OBSL1: variants seen among roughly 807,000 people sequenced by gnomAD.
The protein encoded by OBSL1 is obscurin like cytoskeletal adaptor 1, also known as obscurin-like protein 1.
Under a neutral mutation model 172.0 loss-of-function variants are expected in OBSL1, and 160 were observed. The ratio of observed to expected loss-of-function variants is 0.93; its 90% CI spans 0.82 to 1.06. The LOEUF is 1.06. OBSL1 is among the 50% of genes least tolerant of loss of function. The probability of loss-of-function intolerance (pLI) is 0.00; values close to 1 mark genes in which losing one functional copy is unlikely to be tolerated. For synonymous variants in OBSL1, 1,200 were observed against 1,196.3 expected (o/e 1.00, Z -0.06); for missense variants, 2,681 against 2,715.4 (o/e 0.99, Z 0.28).
At chr2:219,561,446 C>T (rs1192083176) in intron 8 of OBSL1, among the ~76,000 whole-genome samples, 1 of 152,170 alleles carries the variant, frequency 6.6e-6, no homozygotes, top group Non-Finnish European at 1.5e-5. Context: ...GCTCCAGTAT[C>T]AGCTTTGAAA....
chr2:219,560,790 C>G (rs1054851381), intron 8 of OBSL1, among the ~76,000 whole-genome samples: 6 of 152,220 alleles, frequency 3.9e-5, no homozygotes, highest in Admixed American at 2.6e-4. Flanking sequence ...TGGGGCCGAG[C>G]AAGGCCAGGA....
downstream of OBSL1, chr2:219,550,681 CTCCAGGCAA>C: frequency 9.7e-7 from 1 of 1,025,722 alleles, no homozygotes; most frequent in Non-Finnish European, 1.4e-6. Context: ...TGCACAGGGG[CTCCAGGCAA>C]GGTCTGCCCC....
chr2:219,551,810 G>A lies in OBSL1; in HGVS notation c.5414-12C>T, dbSNP rs1380729843. ...CTGGAGAGGCAATGCTGGGGGTAGGGGGCGGGGGCTTAAGTTAATAGGGAC... is the reference window on the plus strand; with the variant it reads ...CTGGAGAGGCAATGCTGGGGGTAGGAGGCGGGGGCTTAAGTTAATAGGGAC... On this transcript the variant is annotated splice_polypyrimidine_tract_variant and intron_variant, in intron 19 of 20. Transcript: ENST00000404537. The A allele has an allele frequency of 1.3e-6, 2 of 1,519,678 alleles. No homozygotes were observed. Among genetic ancestry groups the A allele is most frequent in the East Asian group, 4.5e-5 (2 of 44,176 alleles). 94.1% of individuals were successfully genotyped at this position (1,519,678 alleles called of 1,614,324 possible). A position where few individuals can be genotyped will look rare whatever the true frequency, so the allele number is the denominator to read the frequency against.
rs1574511852 is a variant in OBSL1, at chr2:219,550,744, T to C, written c.*91A>G. On this transcript the variant is annotated 3_prime_UTR_variant, in exon 21 of 21. Coordinates refer to ENST00000404537, the MANE Select transcript of OBSL1 (RefSeq NM_015311.3). ...GCAAGGAAATGAGCTGTAGCACTTT[T>C]ATTGTTCCTTGTCTCTCTACCCCTG... 3 of 1,517,810 alleles carry C rather than the reference T, an allele frequency of 2.0e-6. No homozygotes were observed. Among genetic ancestry groups the C allele is most frequent in the African/African-American group, 1.4e-5 (1 of 72,616 alleles). 94.0% of individuals were successfully genotyped at this position (1,517,810 alleles called of 1,614,324 possible).
chr2:219,552,739 C>T (rs1241795891), intron 17 of OBSL1, 42 bp from the exon 18 acceptor site: 2 of 1,512,994 alleles, frequency 1.3e-6, no homozygotes, highest in Non-Finnish European at 1.8e-6. Flanking sequence ...GGGCAGAGGG[C>T]AGTTACCGGT....
In OBSL1 at chr2:219,565,288, C is replaced by T. The variant is rs1696800701; in HGVS notation, c.2361G>A (p.Glu787=). The change falls in exon 6 of 21, where the codon GAG becomes GAA. Residue 787 remains glutamate, a synonymous_variant. Coordinates refer to ENST00000404537, the MANE Select transcript of OBSL1 (RefSeq NM_015311.3). The part of the protein sequence containing the change: ...EAKVQDSGEF[E]CRTEGVSAFF... ...AGGCCGAGACCCCTTCTGTCCTGCA[C>T]TCAAACTCGCCACTGTCCTGGACTT... 6.2e-7 allele frequency: 1 copy of T among 1,614,024 alleles called. No individual in the cohort carries two copies. The highest frequency in any genetic ancestry group is 1.1e-5 in the South Asian group (1 of 91,076).
rs1384784909 is a variant in OBSL1 at position 219,552,883 on chromosome 2, G to A, written c.5131C>T (p.Arg1711Cys). 6.5e-7 allele frequency: 1 copy of A among 1,541,814 alleles called. No individual in the cohort carries two copies. Among genetic ancestry groups the A allele is most frequent in the South Asian group, 1.2e-5 (1 of 83,808 alleles). ...CCGTACCCACCGCGCACGGTCAGGC[G>A]GACCGGTCCGGCGCGGGCCGTCCCC... ...AVGTARAGPV[R>C]LTVRERTVAV... Residue 1711 changes from arginine to cysteine, a missense_variant, in exon 17 of 21, where the codon CGC (arginine) becomes TGC (cysteine). Coordinates refer to ENST00000404537, the MANE Select transcript of OBSL1 (RefSeq NM_015311.3).
chr2:219,557,526 C>A lies in OBSL1; in HGVS notation c.3883G>T (p.Gly1295Trp), dbSNP rs530576939. The change falls in exon 12 of 21, where the codon GGG becomes TGG. Residue 1295 changes from glycine to tryptophan, a missense_variant. Gly to Trp is a radical substitution (Grantham distance 184). Around this residue, in one of 5 missense-constraint regions of OBSL1, gnomAD observed 1,765 missense variants for 1,748.3 expected, o/e 1.01. Transcript: ENST00000404537. ...TACCAGCGTACAGGGCCCCCTGGCC[C>A]GGAGAGGTGCACCACCAGCTCTAGG... ...GDLELVVHLS[G>W]PGGPVRWYKD... The A allele has an allele frequency of 3.9e-6, 6 of 1,552,628 alleles. No homozygotes were observed. Among genetic ancestry groups the A allele is most frequent in the Non-Finnish European group, 5.2e-6 (6 of 1,148,662 alleles).
At chr2:219,567,611 T>G (rs1383253384) in intron 3 of OBSL1, 36 bp from the exon 4 acceptor site, 4 of 1,596,172 alleles carry the variant, frequency 2.5e-6, no homozygotes, top group Admixed American at 3.4e-5. Flanking sequence ...CGGCCTTGCT[T>G]GGGCCTCCAC....
rs748813895 is a variant in OBSL1 at position 219,567,980 on chromosome 2, G to C, written c.1283-11C>G. ...GCTTCAGGATGGGCCCTGAGATGCG[G>C]ACAGGAATCCATCAACCTGGAATCT... On this transcript the variant is annotated splice_polypyrimidine_tract_variant and intron_variant, in intron 2 of 20. Transcript: ENST00000404537. 2 of 1,612,390 alleles carry C rather than the reference G, an allele frequency of 1.2e-6. No individual in the cohort carries two copies. Among genetic ancestry groups the C allele is most frequent in the Non-Finnish European group, 1.7e-6 (2 of 1,178,784 alleles).
chr2:219,563,347 C>T lies in OBSL1; in HGVS notation c.2680+8G>A, dbSNP rs747782756. ...CCCTGTGCCTCCGAGGCCCACCTGG[C>T]CCCCCACCTGTGATGGTGACAGTGA... On this transcript the variant is annotated splice_region_variant and intron_variant, in intron 7 of 20. Transcript: ENST00000404537. 73 of 1,550,498 alleles carry T rather than the reference C, an allele frequency of 4.7e-5. No individual in the cohort carries two copies. The African/African-American group carries it at 6.9e-4, about 15-fold the overall frequency.
At position 219,558,029 on chromosome 2, in the gene OBSL1, C is replaced by T; in HGVS notation, c.3584G>A (p.Cys1195Tyr). 6.2e-7 allele frequency: 1 copy of T among 1,613,392 alleles called. No homozygotes were observed. The highest frequency in any genetic ancestry group is 8.5e-7 in the Non-Finnish European group (1 of 1,179,796). ...VAPGEPVVLS[C>Y]ELSRAGAPVV... ...GGGGGCGCCAGCCCGGGACAGTTCA[C>T]AGCTCAGCACCACTGGCTCCCCAGG... The change falls in exon 11 of 21, where the codon TGT becomes TAT. Residue 1195 changes from cysteine (C) to tyrosine (Y), a missense_variant. Cys to Tyr is a radical substitution (Grantham distance 194, BLOSUM62 -2). Around this residue, in one of 5 missense-constraint regions of OBSL1, gnomAD observed 1,765 missense variants for 1,748.3 expected, o/e 1.01. Transcript: ENST00000404537.
At chr2:219,551,835 C>T (rs1695632577) in intron 19 of OBSL1, 37 bp from the exon 20 acceptor site, 2 of 1,370,594 alleles carry the variant, frequency 1.5e-6, no homozygotes, top group South Asian at 1.3e-5. Flanking sequence ...TTAATAGGGA[C>T]ACGCATGGCC....
At position 219,566,845 on chromosome 2, in the gene OBSL1, C is replaced by G; in HGVS notation, c.2119G>C (p.Ala707Pro). ...TGGCACCAACCTTGGATTGTGAGGG[C>G]AGCTGAGTCCTGCACGCCGGGGCAG... ...FSCPGVQDSAALTIQESPVHI... is the reference protein window; with the variant it reads ...FSCPGVQDSAPLTIQESPVHI... The change falls in exon 5 of 21, where the codon GCC becomes CCC. Residue 707 changes from alanine (A) to proline (P), a missense_variant. Coordinates refer to ENST00000404537, the MANE Select transcript of OBSL1 (RefSeq NM_015311.3). 3 of 1,584,204 alleles carry G rather than the reference C, an allele frequency of 1.9e-6. No individual in the cohort carries two copies. The highest frequency in any genetic ancestry group is 2.6e-6 in the Non-Finnish European group (3 of 1,158,348).
Position 219,567,457 on chromosome 2 carries a change from G to A in OBSL1, c.1653C>T (p.Tyr551=), listed in dbSNP as rs768151553. The A allele has an allele frequency of 4.3e-6, 7 of 1,613,588 alleles. No homozygotes were observed. In the East Asian group the frequency reaches 1.3e-4, roughly 31 times the overall value. The change falls in exon 4 of 21, where the codon TAC becomes TAT. Residue 551 remains tyrosine, a synonymous_variant. Coordinates refer to ENST00000404537, the MANE Select transcript of OBSL1 (RefSeq NM_015311.3). Reference sequence around the variant, plus strand: ...AGCCCACTTCCTGCCGCTCCAGCCGGTAGATGAATGGGGTCTCGGGAGCTG... The same window carrying A: ...AGCCCACTTCCTGCCGCTCCAGCCGATAGATGAATGGGGTCTCGGGAGCTG... ...PEPAPETPFI[Y]RLERQEVGSE...
intron 8 of OBSL1, 92 bp downstream of exon 8, chr2:219,562,310 C>A: frequency 6.7e-7 from 1 of 1,487,518 alleles, no homozygotes; most frequent in South Asian, 1.3e-5. Context: ...ACACCTCCCT[C>A]CTCCCCGGGG....
At chr2:219,553,203 T>C (rs1318645826) in intron 16 of OBSL1, among the ~76,000 whole-genome samples, 179 bp from the exon 17 acceptor site, 1 of 152,130 alleles carries the variant, frequency 6.6e-6, no homozygotes, top group Non-Finnish European at 1.5e-5. Flanking sequence ...GCCAGGAGCC[T>C]CTTTGAAAAA....
chr2:219,559,481 G>T lies in OBSL1; in HGVS notation c.2970C>A (p.Ile990=). 6.2e-7 allele frequency: 1 copy of T among 1,612,972 alleles called. No homozygotes were observed. Among genetic ancestry groups the T allele is most frequent in the Non-Finnish European group, 8.5e-7 (1 of 1,179,076 alleles). The change falls in exon 9 of 21, where the codon ATC becomes ATA. Residue 990 remains isoleucine (I), a synonymous_variant. Transcript: ENST00000404537. The part of the protein sequence containing the change: ...TVTVTEPPVR[I]IYPRDEVTLI... The stretch of plus-strand genomic sequence containing the variant: ...AGGTCACCTCATCGCGAGGGTATAT[G>T]ATCCGCACTGGGGGTTCTGCAGGGT...
chr2:219,550,754 T>C lies in OBSL1; in HGVS notation c.*81A>G. On this transcript the variant is annotated 3_prime_UTR_variant, in exon 21 of 21. Coordinates refer to ENST00000404537, the MANE Select transcript of OBSL1 (RefSeq NM_015311.3). ...GAGCTGTAGCACTTTTATTGTTCCT[T>C]GTCTCTCTACCCCTGCCCAGGGTAA... The C allele has an allele frequency of 5.8e-6, 9 of 1,548,646 alleles. No individual in the cohort carries two copies. The highest frequency in any genetic ancestry group is 6.2e-6 in the Non-Finnish European group (7 of 1,138,200).
Sources: gnomAD v4.1 joint callset for allele counts (sites outside exome capture counted in the v4.1 genomes callset) on GRCh38, gnomAD v4.1.1 for gene constraint, gnomAD v4.1.1 regional missense constraint, MANE v1.5 for transcripts, NCBI Gene and HGNC (gene_info 2026-07-23, HGNC 2026-07-21) for gene names.